XPO4: variants seen among roughly 807,000 people sequenced by gnomAD.
XPO4 encodes the protein exportin-4.
A neutral mutation model predicts 143.0 loss-of-function variants in XPO4; 39 were observed. The ratio of observed to expected loss-of-function variants is 0.27; its 90% confidence interval spans 0.21 to 0.36. XPO4 has a LOEUF of 0.36. XPO4 is among the 10% of genes least tolerant of loss of function. The pLI is 1.00. For synonymous variants in XPO4, 439 were observed against 474.0 expected (o/e 0.93, Z 0.96); for missense variants, 907 against 1,348.0 (o/e 0.67, Z 5.12).
chr13:20,799,117 C>A, intron 16 of XPO4, 48 bp downstream of exon 16: 3 of 1,504,524 alleles, frequency 2.0e-6, no homozygotes, highest in Non-Finnish European at 2.7e-6. Context: ...GATAAAGGAA[C>A]TACAGAGTTA....
At position 20,799,319 on chromosome 13, in the gene XPO4, C is replaced by T; in HGVS notation, c.2168G>A (p.Cys723Tyr). Reference sequence around the variant, plus strand: ...CTTAGCTAAATTCCACCAGTTCTCACATTGAATTACTAAGTTTGCCCTACA... The same window carrying T: ...CTTAGCTAAATTCCACCAGTTCTCATATTGAATTACTAAGTTTGCCCTACA... ...RRERANLVIQ[C>Y]ENWWNLAKQF... The change falls in exon 16 of 23, where the codon TGT (cysteine) becomes TAT (tyrosine). Residue 723 changes from cysteine to tyrosine, a missense_variant. Transcript: ENST00000255305. 6.2e-7 allele frequency: 1 copy of T among 1,613,542 alleles called. No homozygotes were observed. The highest frequency in any genetic ancestry group is 8.5e-7 in the Non-Finnish European group (1 of 1,179,592).
At chr13:20,849,668 T>C in intron 4 of XPO4, 1 of 984,744 alleles carries the variant, frequency 1.0e-6, no homozygotes, top group Non-Finnish European at 1.2e-6. Flanking sequence ...CATACAGGCA[T>C]AAATTAACTA....
intron 1 of XPO4, among the ~76,000 whole-genome samples, chr13:20,882,109 C>CAAAAAAAAAAAAAAAAAAAAAAAAAAA (rs35404161): frequency 1.1e-5 from 1 of 93,372 alleles, no homozygotes; most frequent in African/African-American, 4.7e-5. Flanking sequence ...GACTCGGTCT[C>CAAAAAAAAAAAAAAAAAAAAAAAAAAA]AAAAAAAAAA....
intron 6 of XPO4, among the ~76,000 whole-genome samples, chr13:20,828,167 C>G (rs1453433383): frequency 6.6e-6 from 1 of 150,896 alleles, no homozygotes; most frequent in African/African-American, 2.4e-5. Context: ...AAAACACTCT[C>G]CCGCAGAGGT....
At chr13:20,888,594 T>A (rs1460547158) in intron 1 of XPO4, among the ~76,000 whole-genome samples, 1 of 152,144 alleles carries the variant, frequency 6.6e-6, no homozygotes, top group Non-Finnish European at 1.5e-5. Flanking sequence ...TGGGCTCAAG[T>A]GATCTGCTTG....
At chr13:20,814,550 T>A (rs2059625326) in intron 9 of XPO4, among the ~76,000 whole-genome samples, 1 of 152,252 alleles carries the variant, frequency 6.6e-6, no homozygotes, top group Non-Finnish European at 1.5e-5. Context: ...ACTAAATCTT[T>A]CAGTCTAATC....
intron 3 of XPO4, among the ~76,000 whole-genome samples, chr13:20,861,783 T>C (rs1182054228): frequency 1.7e-4 from 20 of 116,472 alleles, no homozygotes; most frequent in Middle Eastern, 3.8e-3. Context: ...CTCTCTTTTT[T>C]TTTTTTTTTT....
At chr13:20,785,976 G>GGA (rs1193163197) in intron 22 of XPO4, among the ~76,000 whole-genome samples, 4 of 141,938 alleles carry the variant, frequency 2.8e-5, no homozygotes, top group African/African-American at 1.1e-4. Flanking sequence ...AAGAAAAAGA[G>GGA]AGGAAGGAAG....
intron 13 of XPO4, among the ~76,000 whole-genome samples, chr13:20,806,543 T>C (rs1386623104): frequency 4.5e-4 from 3 of 6,734 alleles, no homozygotes; most frequent in Admixed American, 4.5e-3. Flanking sequence ...AGGACCCTTT[T>C]TTTTTTTTTT....
chr13:20,849,259 G>A (rs2060060249), intron 4 of XPO4: 3 of 985,284 alleles, frequency 3.0e-6, no homozygotes, highest in Middle Eastern at 5.2e-4. Flanking sequence ...AAACATCAAT[G>A]AGACTTATGA....
rs1302800155 is a variant in XPO4, at chr13:20,820,979, G to A, written c.1173+725C>T. Among the ~76,000 whole-genome samples, 4 of 152,140 alleles carry A rather than the reference G, an allele frequency of 2.6e-5. No individual in the cohort carries two copies. The East Asian group carries it at 5.8e-4, about 22-fold the overall frequency. On this transcript the variant is annotated intron_variant, in intron 9 of 22. Coordinates refer to ENST00000255305, the MANE Select transcript of XPO4 (RefSeq NM_022459.5). ...GTTTCAACAATTTAATCACTACTTT[G>A]TGGAATGAAATCAATTTTTTTCCAT... is the stretch of plus-strand genomic sequence containing the variant.
intron 4 of XPO4, chr13:20,849,525 TCCCTC>T: frequency 1.3e-5 from 13 of 985,364 alleles, no homozygotes; most frequent in Non-Finnish European, 1.6e-5. Context: ...AGTTTCCATA[TCCCTC>T]CCAAATTAGT....
chr13:20,812,646 G>A (rs1294720963), intron 9 of XPO4, among the ~76,000 whole-genome samples: 1 of 152,100 alleles, frequency 6.6e-6, no homozygotes, highest in Non-Finnish European at 1.5e-5. Flanking sequence ...CACAGGAAGA[G>A]GACATTGGGG....
At chr13:20,802,527 A>T (rs1358507636) in intron 13 of XPO4, among the ~76,000 whole-genome samples, 1 of 152,256 alleles carries the variant, frequency 6.6e-6, no homozygotes, top group Non-Finnish European at 1.5e-5. Flanking sequence ...TGGTAAGATT[A>T]AATCATTTTA....
rs944730225 is a variant in XPO4, at chr13:20,859,517, G to A, written c.317+3200C>T. The stretch of plus-strand genomic sequence containing the variant: ...CGGGAGGCTGAGGCAGGAGAATGGC[G>A]TAAACCCAGCAGGTGGAGCTTTCAG... On this transcript the variant is annotated intron_variant, in intron 3 of 22. Coordinates refer to ENST00000255305, the MANE Select transcript of XPO4 (RefSeq NM_022459.5). Among the ~76,000 whole-genome samples, 6 of 151,468 alleles carry A rather than the reference G, an allele frequency of 4.0e-5. No homozygotes were observed. In the East Asian group the frequency reaches 7.7e-4, roughly 20 times the overall value.
chr13:20,844,316 G>A (rs760996748), intron 4 of XPO4, among the ~76,000 whole-genome samples: 11 of 152,132 alleles, frequency 7.2e-5, no homozygotes, highest in Non-Finnish European at 1.6e-4. Context: ...GTTTGACCCC[G>A]TTCTGTTTGT....
intron 6 of XPO4, among the ~76,000 whole-genome samples, chr13:20,827,979 T>A (rs1438959424): frequency 1.3e-5 from 2 of 152,234 alleles, no homozygotes; most frequent in Non-Finnish European, 2.9e-5. Context: ...GGCTCACGCC[T>A]GTAATCTCCA....
chr13:20,884,768 T>G (rs2060445466), intron 1 of XPO4, among the ~76,000 whole-genome samples: 1 of 152,118 alleles, frequency 6.6e-6, no homozygotes, highest in Non-Finnish European at 1.5e-5. Context: ...GAGGATCACT[T>G]GAGCCCAAAC....
At chr13:20,794,063 T>A (rs1263392563) in intron 18 of XPO4, among the ~76,000 whole-genome samples, 1 of 152,244 alleles carries the variant, frequency 6.6e-6, no homozygotes, top group African/African-American at 2.4e-5. Flanking sequence ...ACTTCTATTA[T>A]AATCCTTCCT....
Sources: gnomAD v4.1 joint callset for allele counts (sites outside exome capture counted in the v4.1 genomes callset) on GRCh38, gnomAD v4.1.1 for gene constraint, MANE v1.5 for transcripts, NCBI Gene and HGNC (gene_info 2026-07-23, HGNC 2026-07-21) for gene names.